NTNG1: variants seen among roughly 807,000 people sequenced by gnomAD.
The protein encoded by NTNG1 is netrin-G1.
A neutral mutation model predicts 54.0 loss-of-function variants in NTNG1; 16 were observed. That is an observed-to-expected ratio of 0.30 (90% CI 0.20 to 0.45). The LOEUF (loss-of-function observed/expected upper bound fraction) is 0.45. NTNG1 is among the 20% of genes least tolerant of loss of function. The pLI is 1.00. For missense variants in NTNG1, 530 were observed against 678.7 expected (o/e 0.78, Z 2.43); for synonymous variants, 255 against 263.1 (o/e 0.97, Z 0.30).
At chr1:107,192,576 A>G (rs1215062322) in intron 2 of NTNG1, among the ~76,000 whole-genome samples, 2 of 151,934 alleles carry the variant, frequency 1.3e-5, no homozygotes, top group Non-Finnish European at 2.9e-5. Flanking sequence ...GGCCCTAGGG[A>G]CACATGTATT....
chr1:107,451,098 T>C (rs924141660), intron 7 of NTNG1, among the ~76,000 whole-genome samples: 13 of 122,336 alleles, frequency 1.1e-4, no homozygotes, highest in African/African-American at 3.5e-4. Context: ...CCTTTTTTCT[T>C]TCTTTCTTTC....
chr1:107,324,748 G>A lies in NTNG1; in HGVS notation c.713G>A (p.Arg238His). The A allele has an allele frequency of 1.9e-6, 3 of 1,613,582 alleles. No homozygotes were observed. The highest frequency in any genetic ancestry group is 1.1e-5 in the South Asian group (1 of 91,072). The change falls in exon 3 of 8, where the codon CGC (arginine) becomes CAC (histidine). Residue 238 changes from arginine (R) to histidine (H), a missense_variant. Physicochemically the swap from Arg to His is conservative, Grantham distance 29. Coordinates refer to ENST00000370068, the MANE Select transcript of NTNG1 (RefSeq NM_001113226.3). ...GCGTTTTTTGCTGGACCTCGCCTAC[G>A]CAATATGGCTTCCCTCTACGGACAG... ...RFAFFAGPRL[R>H]NMASLYGQLD...
rs1229277363 is a variant in NTNG1 at position 107,480,654 on chromosome 1, G to A, written c.1434G>A (p.Gly478=). The A allele has an allele frequency of 1.2e-6, 2 of 1,602,010 alleles. No individual in the cohort carries two copies. Among genetic ancestry groups the A allele is most frequent in the Non-Finnish European group, 1.7e-6 (2 of 1,172,148 alleles). The change falls in exon 8 of 8, where the codon GGG becomes GGA. Residue 478 remains glycine, a synonymous_variant. Transcript: ENST00000370068. The part of the protein sequence containing the change: ...DNELLHCQNG[G]TCHNNVRCLC... ...AGCTCCTGCACTGCCAGAACGGAGGGACGTGCCACAACAACGTGCGCTGCC... is the reference window on the plus strand; with the variant it reads ...AGCTCCTGCACTGCCAGAACGGAGGAACGTGCCACAACAACGTGCGCTGCC...
At chr1:107,476,887 T>C (rs187471653) in intron 7 of NTNG1, among the ~76,000 whole-genome samples, 8 of 152,378 alleles carry the variant, frequency 5.3e-5, no homozygotes, top group Admixed American at 2.0e-4. Context: ...CCATGCATCA[T>C]TCACTAATGT....
At chr1:107,441,398 A>C (rs1164839906) in intron 7 of NTNG1, among the ~76,000 whole-genome samples, 1 of 150,472 alleles carries the variant, frequency 6.6e-6, no homozygotes, top group East Asian at 1.9e-4. Context: ...TGGTACTTTC[A>C]GAAGAATTCA....
At chr1:107,426,155 C>T (rs1163257628) in intron 5 of NTNG1, among the ~76,000 whole-genome samples, 1 of 151,988 alleles carries the variant, frequency 6.6e-6, no homozygotes. Context: ...ATTTATTTTG[C>T]TATGCAGAAG....
At chr1:107,146,148 C>A (rs1376075600) in intron 1 of NTNG1, among the ~76,000 whole-genome samples, 1 of 151,994 alleles carries the variant, frequency 6.6e-6, no homozygotes, top group Non-Finnish European at 1.5e-5. Flanking sequence ...AATAAACACA[C>A]AATGCTCACT....
chr1:107,378,431 A>G (rs1000917725), intron 3 of NTNG1, among the ~76,000 whole-genome samples: 3 of 152,210 alleles, frequency 2.0e-5, no homozygotes, highest in African/African-American at 7.2e-5. Flanking sequence ...AGACACTTCA[A>G]ATCAAATCAT....
intron 6 of NTNG1, among the ~76,000 whole-genome samples, chr1:107,431,926 G>A (rs566297491): frequency 2.6e-5 from 4 of 152,178 alleles, no homozygotes; most frequent in South Asian, 2.1e-4. Flanking sequence ...AATCCAATTC[G>A]TATTTCTGTG....
At chr1:107,221,697 C>A (rs978962327) in intron 2 of NTNG1, among the ~76,000 whole-genome samples, 1 of 152,030 alleles carries the variant, frequency 6.6e-6, no homozygotes, top group Admixed American at 6.5e-5. Context: ...GTACTTGGGC[C>A]GTGGCTGGCA....
At chr1:107,144,893 G>T (rs922961479) in intron 1 of NTNG1, among the ~76,000 whole-genome samples, 2 of 151,982 alleles carry the variant, frequency 1.3e-5, no homozygotes, top group South Asian at 2.1e-4. Context: ...TAGCATTTTT[G>T]ATTACAGTGA....
chr1:107,351,508 A>G (rs1277648219), intron 3 of NTNG1, among the ~76,000 whole-genome samples: 1 of 152,148 alleles, frequency 6.6e-6, no homozygotes, highest in Non-Finnish European at 1.5e-5. Flanking sequence ...ACTTTTAAAG[A>G]ATCAGATCTC....
chr1:107,159,819 C>T (rs1007850530), intron 2 of NTNG1, among the ~76,000 whole-genome samples: 5 of 152,138 alleles, frequency 3.3e-5, no homozygotes, highest in African/African-American at 4.8e-5. Context: ...GTTGAAAATA[C>T]ATATTACGTG....
At chr1:107,476,615 C>A (rs1297042876) in intron 7 of NTNG1, among the ~76,000 whole-genome samples, 2 of 152,166 alleles carry the variant, frequency 1.3e-5, no homozygotes, top group Admixed American at 1.3e-4. Flanking sequence ...ATTCACATAA[C>A]CTGTCTCCAA....
chr1:107,412,944 G>A (rs58591929), intron 5 of NTNG1, among the ~76,000 whole-genome samples: 1 of 151,998 alleles, frequency 6.6e-6, no homozygotes, highest in African/African-American at 2.4e-5. Flanking sequence ...AATAAAATTC[G>A]ATATGCCATC....
rs375728570 is a variant in NTNG1 at position 107,382,431 on chromosome 1, C to T, written c.888-12723C>T. Among the ~76,000 whole-genome samples the T allele has an allele frequency of 2.0e-4, 30 of 152,270 alleles. No homozygotes were observed. The East Asian group carries it at 4.6e-3, about 23-fold the overall frequency. On this transcript the variant is annotated intron_variant, in intron 3 of 7. Transcript: ENST00000370068. ...CCATGTTAAATTATTTTAAATTTCA[C>T]TTTTCATTAAAACATTTGTACACAC...
At chr1:107,278,028 G>T (rs1664594720) in intron 2 of NTNG1, among the ~76,000 whole-genome samples, 1 of 152,162 alleles carries the variant, frequency 6.6e-6, no homozygotes, top group Non-Finnish European at 1.5e-5. Flanking sequence ...ACACGTGATT[G>T]GTTTCCCTGC....
chr1:107,185,300 C>T (rs1003272776), intron 2 of NTNG1, among the ~76,000 whole-genome samples: 11 of 152,140 alleles, frequency 7.2e-5, no homozygotes, highest in African/African-American at 2.7e-4. Context: ...GACTGCACTC[C>T]CTGTGAAGGC....
chr1:107,339,126 G>A (rs2101919848), intron 3 of NTNG1, among the ~76,000 whole-genome samples: 1 of 152,042 alleles, frequency 6.6e-6, no homozygotes, highest in South Asian at 2.1e-4. Context: ...ATGGATGGAG[G>A]AATATAAGGA....
Sources: allele counts gnomAD v4.1 joint callset (sites outside exome capture counted in the v4.1 genomes callset), GRCh38; gene constraint gnomAD v4.1.1; transcripts MANE v1.5; gene names NCBI Gene and HGNC (gene_info 2026-07-23, HGNC 2026-07-21).